The following ABI3BP variants were observed in gnomAD, a reference collection of about 807,000 sequenced individuals.
ABI3BP encodes target of Nesh-SH3.
ABI3BP carries 216 observed loss-of-function variants against 268.6 expected under a neutral mutation model. That is an observed-to-expected ratio of 0.80 (90% CI 0.72 to 0.90). The LOEUF (loss-of-function observed/expected upper bound fraction) is 0.90. Ranked by LOEUF, ABI3BP falls within the 40% of genes least tolerant of loss-of-function variation. The pLI is 0.00. For synonymous variants in ABI3BP, 730 were observed against 730.0 expected (o/e 1.00, Z 0.00); for missense variants, 2,090 against 2,182.4 (o/e 0.96, Z 0.84).
intron 1 of ABI3BP, chr3:100,930,929 T>C (rs2063418195): frequency 6.6e-6 from 1 of 152,084 alleles, no homozygotes. Context: ...TGAACATAGA[T>C]GCAGAAATCC....
intron 24 of ABI3BP, 25 bp downstream of exon 24, chr3:100,839,544 G>A (rs1305842440): frequency 1.2e-5 from 18 of 1,535,406 alleles, no homozygotes; most frequent in African/African-American, 2.7e-5. Flanking sequence ...CGTGAAAGCA[G>A]CCGTGGTGGA....
intron 1 of ABI3BP, among the ~76,000 whole-genome samples, chr3:100,992,639 G>T (rs1323480538): frequency 6.6e-6 from 1 of 152,194 alleles, no homozygotes; most frequent in East Asian, 1.9e-4. Flanking sequence ...TGGGCTCAAA[G>T]GGTTGTTTTT....
At chr3:100,890,333 G>A (rs1259411465) in intron 4 of ABI3BP, among the ~76,000 whole-genome samples, 1 of 152,070 alleles carries the variant, frequency 6.6e-6, no homozygotes, top group Non-Finnish European at 1.5e-5. Flanking sequence ...TGTAACTACT[G>A]AGAAAAATTC....
At chr3:100,881,659 C>G (rs2039328822) in intron 6 of ABI3BP, among the ~76,000 whole-genome samples, 1 of 113,592 alleles carries the variant, frequency 8.8e-6, no homozygotes, top group Non-Finnish European at 2.0e-5. Context: ...AAAAGAGTGT[C>G]CTAGATTCTC....
chr3:100,992,571 T>C (rs879814288), intron 1 of ABI3BP, among the ~76,000 whole-genome samples: 6 of 152,218 alleles, frequency 3.9e-5, no homozygotes, highest in Admixed American at 2.0e-4. Flanking sequence ...CAAAAGTACA[T>C]GCAACATTTA....
intron 54 of ABI3BP, among the ~76,000 whole-genome samples, chr3:100,793,793 C>G (rs2097264000): frequency 6.6e-6 from 1 of 151,900 alleles, no homozygotes; most frequent in South Asian, 2.1e-4. Flanking sequence ...TTAAACAAAG[C>G]CATATGGGAT....
At chr3:100,986,590 C>T (rs2091830113) in intron 1 of ABI3BP, among the ~76,000 whole-genome samples, 1 of 152,140 alleles carries the variant, frequency 6.6e-6, no homozygotes. Context: ...CCTTAACCTT[C>T]TGAGTAGCTG....
At chr3:100,968,759 A>G (rs912648399) in intron 1 of ABI3BP, among the ~76,000 whole-genome samples, 8 of 152,068 alleles carry the variant, frequency 5.3e-5, no homozygotes, top group Admixed American at 2.0e-4. Context: ...TTACATAGGT[A>G]TACACGTGCT....
chr3:100,781,963 TC>T (rs2096878172), intron 57 of ABI3BP, among the ~76,000 whole-genome samples: 1 of 152,164 alleles, frequency 6.6e-6, no homozygotes, highest in African/African-American at 2.4e-5. Flanking sequence ...TATGCCAGGA[TC>T]CAAAGCCTAT....
chr3:100,959,783 AG>A (rs2078309470), intron 1 of ABI3BP, among the ~76,000 whole-genome samples: 1 of 152,176 alleles, frequency 6.6e-6, no homozygotes, highest in Non-Finnish European at 1.5e-5. Context: ...GCACTGGGGT[AG>A]CCATGGCAAT....
chr3:100,787,902 A>G (rs983850563), intron 56 of ABI3BP, 100 bp from the exon 57 acceptor site: 1 of 774,026 alleles, frequency 1.3e-6, no homozygotes, highest in Non-Finnish European at 1.9e-6. Context: ...TTAGGCAATA[A>G]AAAAGATGAC....
intron 43 of ABI3BP, chr3:100,816,420 A>T: frequency 1.8e-6 from 1 of 561,324 alleles, no homozygotes; most frequent in East Asian, 3.0e-5. Context: ...GAGTATGCTA[A>T]TCTCGCTGTA....
In ABI3BP at chr3:100,812,490, G is replaced by A. The variant is rs1317826111; in HGVS notation, c.3398C>T (p.Thr1133Ile). 1 of 1,331,642 alleles carries A rather than the reference G, an allele frequency of 7.5e-7. No individual in the cohort carries two copies. Among genetic ancestry groups the A allele is most frequent in the Non-Finnish European group, 9.6e-7 (1 of 1,042,152 alleles). The allele number at this position is 1,331,642 out of a possible 1,614,324, so 82.5% of individuals were successfully genotyped here. A position where few individuals can be genotyped will look rare whatever the true frequency, so the allele number is the denominator to read the frequency against. ...ACCTATGGTCTCCTTTGGTGACTCA[G>A]TACTAAGTGTAACCGATTCCAGAAC... ...SDVLESVTLS[T>I]ESPKETIAPA... The change falls in exon 46 of 68, where the codon ACT becomes ATT. Residue 1133 changes from threonine (T) to isoleucine (I), a missense_variant. Transcript: ENST00000471714.
chr3:100,966,245 A>T (rs1330080867), intron 1 of ABI3BP, among the ~76,000 whole-genome samples: 4 of 152,230 alleles, frequency 2.6e-5, no homozygotes, highest in Non-Finnish European at 5.9e-5. Context: ...GTTATCAATA[A>T]ACCCAGTTTC....
chr3:100,896,500 G>T (rs1424706093), intron 4 of ABI3BP, among the ~76,000 whole-genome samples: 1 of 152,194 alleles, frequency 6.6e-6, no homozygotes, highest in Non-Finnish European at 1.5e-5. Context: ...ACACAAGTTT[G>T]CCAGGTTACT....
intron 9 of ABI3BP, among the ~76,000 whole-genome samples, chr3:100,872,937 T>C (rs1391456930): frequency 5.9e-5 from 9 of 152,154 alleles, no homozygotes; most frequent in African/African-American, 2.2e-4. Context: ...CACAAAGATA[T>C]ATTGGCAAAT....
chr3:100,771,039 T>C, intron 61 of ABI3BP, 87 bp from the exon 62 acceptor site: 2 of 1,172,284 alleles, frequency 1.7e-6, no homozygotes, highest in Non-Finnish European at 2.3e-6. Context: ...TTTGAGGACA[T>C]TTGGTCTCAT....
chr3:100,754,662 G>A lies in ABI3BP; in HGVS notation c.4880C>T (p.Pro1627Leu), dbSNP rs751175952. ...SYEFQVKPKN[P>L]LGEGPVSNTV... ...GTTGCTGACCGGGCCTTCACCAAGC[G>A]GGTTTTTGGGTTTCACCTGGAATTC... The change falls in exon 64 of 68, where the codon CCG (proline) becomes CTG (leucine). Residue 1627 changes from proline (P) to leucine (L), a missense_variant. Coordinates refer to ENST00000471714, the MANE Select transcript of ABI3BP (RefSeq NM_001375547.2). The A allele has an allele frequency of 6.9e-6, 11 of 1,589,348 alleles. No homozygotes were observed. Among genetic ancestry groups the A allele is most frequent in the Admixed American group, 5.3e-5 (3 of 56,760 alleles).
chr3:100,903,137 G>A (rs915906597), intron 2 of ABI3BP, among the ~76,000 whole-genome samples: 1 of 152,092 alleles, frequency 6.6e-6, no homozygotes, highest in African/African-American at 2.4e-5. Context: ...CATGGGAACA[G>A]GAATATTTAT....
Sources: allele counts gnomAD v4.1 joint callset (sites outside exome capture counted in the v4.1 genomes callset), GRCh38; gene constraint gnomAD v4.1.1; transcripts MANE v1.5; gene names NCBI Gene and HGNC (gene_info 2026-07-23, HGNC 2026-07-21).